The following FGF12 variants were observed in gnomAD, a reference collection of about 807,000 sequenced individuals.
FGF12 encodes fibroblast growth factor 12.
A neutral mutation model predicts 23.6 loss-of-function variants in FGF12; 14 were observed. That is an observed-to-expected ratio of 0.59 (90% CI 0.39 to 0.93). The LOEUF (loss-of-function observed/expected upper bound fraction) is 0.93, where lower values mean the gene tolerates loss of function less well. Ranked by LOEUF, FGF12 falls within the 40% of genes least tolerant of loss-of-function variation. FGF12 has a pLI of 0.00. For synonymous variants in FGF12, 62 were observed against 77.3 expected (o/e 0.80, Z 1.04); for missense variants, 175 against 217.8 (o/e 0.80, Z 1.24).
intron 2 of FGF12, among the ~76,000 whole-genome samples, chr3:192,465,796 G>GT (rs1377464311): frequency 2.0e-5 from 3 of 152,150 alleles, no homozygotes; most frequent in South Asian, 4.2e-4. Flanking sequence ...ATGTTACTGC[G>GT]TTTTTTTGCT....
chr3:192,666,921 A>T (rs998221971), intron 2 of FGF12, among the ~76,000 whole-genome samples: 49 of 72,342 alleles, frequency 6.8e-4, no homozygotes, highest in African/African-American at 2.4e-3. Context: ...GATAGATGAT[A>T]GATAGATAGA....
intron 2 of FGF12, among the ~76,000 whole-genome samples, chr3:192,402,515 A>G (rs1720806454): frequency 6.6e-6 from 1 of 152,178 alleles, no homozygotes; most frequent in Non-Finnish European, 1.5e-5. Context: ...ATTCCCTCCA[A>G]CAATAGTTTC....
At chr3:192,159,966 GTGTGTGTGTGTGTA>G (rs1353536401) in intron 5 of FGF12, among the ~76,000 whole-genome samples, 2 of 138,992 alleles carry the variant, frequency 1.4e-5, no homozygotes, top group African/African-American at 5.4e-5. Flanking sequence ...GTGTGTGTGT[GTGTGTGTGTGTGTA>G]CACATTTCAG....
chr3:192,634,631 A>C (rs932091946), intron 2 of FGF12, among the ~76,000 whole-genome samples: 2 of 152,144 alleles, frequency 1.3e-5, no homozygotes, highest in African/African-American at 4.8e-5. Context: ...CCCATACCTT[A>C]CTATCTCTCA....
At chr3:192,513,730 G>GC (rs2108841302) in intron 2 of FGF12, among the ~76,000 whole-genome samples, 1 of 152,142 alleles carries the variant, frequency 6.6e-6, no homozygotes, top group South Asian at 2.1e-4. Context: ...ATATTTCTTG[G>GC]CAAAAAGACA....
At chr3:192,253,943 C>T (rs540662257) in intron 4 of FGF12, among the ~76,000 whole-genome samples, 1 of 152,012 alleles carries the variant, frequency 6.6e-6, no homozygotes, top group African/African-American at 2.4e-5. Flanking sequence ...TTATCATGTA[C>T]AAGATGATGT....
At chr3:192,602,802 C>T (rs1714169440) in intron 2 of FGF12, among the ~76,000 whole-genome samples, 1 of 151,448 alleles carries the variant, frequency 6.6e-6, no homozygotes, top group African/African-American at 2.4e-5. Flanking sequence ...AAAATACTAG[C>T]AAACCAAATC....
chr3:192,158,332 C>CTTTCTTTTTCTTTCTTTCTTTCTT (rs1459698854), intron 5 of FGF12, among the ~76,000 whole-genome samples: 33 of 112,444 alleles, frequency 2.9e-4, no homozygotes, highest in African/African-American at 1.0e-3. Context: ...TTCTTTCTTT[C>CTTTCTTTTTCTTTCTTTCTTTCTT]TCTTTCTTTC....
chr3:192,427,345 C>T (rs1462425528), intron 2 of FGF12, among the ~76,000 whole-genome samples: 2 of 149,876 alleles, frequency 1.3e-5, no homozygotes, highest in East Asian at 3.9e-4. Context: ...TGCCATTGCA[C>T]TTCAGCCTGG....
chr3:192,536,675 T>G (rs1410397093), intron 2 of FGF12, among the ~76,000 whole-genome samples: 1 of 152,118 alleles, frequency 6.6e-6, no homozygotes, highest in Non-Finnish European at 1.5e-5. Flanking sequence ...TTTTAGTTTT[T>G]GTGGGTACAT....
chr3:192,430,989 G>A (rs1209144200), intron 2 of FGF12, among the ~76,000 whole-genome samples: 1 of 152,118 alleles, frequency 6.6e-6, no homozygotes, highest in Non-Finnish European at 1.5e-5. Context: ...AGATACCTGA[G>A]GTTTTCATGT....
At chr3:192,724,161 C>T (rs867684865) in intron 2 of FGF12, among the ~76,000 whole-genome samples, 5 of 151,988 alleles carry the variant, frequency 3.3e-5, no homozygotes, top group Middle Eastern at 3.2e-3. Flanking sequence ...TTTCCTCACT[C>T]CAAATCATGC....
At chr3:192,299,409 G>A (rs1035157149) in intron 4 of FGF12, among the ~76,000 whole-genome samples, 1 of 152,156 alleles carries the variant, frequency 6.6e-6, no homozygotes, top group Admixed American at 6.5e-5. Flanking sequence ...TATAGTGTTT[G>A]AGGACATGAC....
intron 4 of FGF12, among the ~76,000 whole-genome samples, chr3:192,283,649 C>T (rs1017855073): frequency 6.6e-6 from 1 of 151,872 alleles, no homozygotes; most frequent in East Asian, 1.9e-4. Flanking sequence ...ACAGAGAAGC[C>T]GATTTTCAGT....
chr3:192,711,445 T>G (rs1256437101), intron 2 of FGF12, among the ~76,000 whole-genome samples: 8 of 151,936 alleles, frequency 5.3e-5, no homozygotes, highest in African/African-American at 4.8e-5. Context: ...GTCTGGGAGG[T>G]GTACCCAACA....
chr3:192,253,917 T>C (rs993739439), intron 4 of FGF12, among the ~76,000 whole-genome samples: 4 of 152,056 alleles, frequency 2.6e-5, no homozygotes, highest in African/African-American at 9.7e-5. Flanking sequence ...ACTTGACGAA[T>C]AAAAAATGTA....
intron 2 of FGF12, among the ~76,000 whole-genome samples, chr3:192,443,683 C>CA (rs1278843295): frequency 6.6e-6 from 1 of 152,170 alleles, no homozygotes; most frequent in South Asian, 2.1e-4. Context: ...TGAAAACAAG[C>CA]AAAAAAATTT....
chr3:192,277,472 G>T (rs1440358005), intron 4 of FGF12, among the ~76,000 whole-genome samples: 5 of 152,200 alleles, frequency 3.3e-5, no homozygotes, highest in African/African-American at 1.2e-4. Flanking sequence ...ACCAAAGAAT[G>T]ATGCTTGGTC....
intron 2 of FGF12, among the ~76,000 whole-genome samples, chr3:192,507,608 T>C (rs567546531): frequency 2.0e-5 from 3 of 152,294 alleles, no homozygotes; most frequent in East Asian, 1.9e-4. Flanking sequence ...TTCCGTACCA[T>C]GGCAGTTTTA....
Sources: gnomAD v4.1 joint callset for allele counts (sites outside exome capture counted in the v4.1 genomes callset) on GRCh38, gnomAD v4.1.1 for gene constraint, MANE v1.5 for transcripts, NCBI Gene and HGNC (gene_info 2026-07-23, HGNC 2026-07-21) for gene names.